TEX9: variants seen among roughly 807,000 people sequenced by gnomAD.
TEX9 encodes testis expressed 9.
Under a neutral mutation model 59.6 loss-of-function variants are expected in TEX9, and 74 were observed. The observed-to-expected ratio is 1.24, with a 90% CI of 1.03 to 1.51. TEX9 has a LOEUF of 1.51. Ranked by LOEUF, TEX9 falls within the 40% of genes most tolerant of loss-of-function variation. The probability of loss-of-function intolerance (pLI) is 0.00; values close to 1 mark genes in which losing one functional copy is unlikely to be tolerated. For missense variants in TEX9, 522 were observed against 447.8 expected, an observed-to-expected ratio of 1.17 and a Z score of -1.49; for synonymous variants, 186 against 152.2, an observed-to-expected ratio of 1.22 and a Z score of -1.64.
At chr15:56,446,329 T>C (rs1749594352), downstream of TEX9, among the ~76,000 whole-genome samples, 1 of 151,988 alleles carries the variant, frequency 6.6e-6, no homozygotes, top group African/African-American at 2.4e-5. Context: ...TCCTAGTGAG[T>C]ATGCCTGAGA....
intron 2 of TEX9, 184 bp downstream of exon 2, chr15:56,365,854 G>A: frequency 7.1e-7 from 1 of 1,416,310 alleles, no homozygotes; most frequent in Non-Finnish European, 9.2e-7. Flanking sequence ...GTTCGCCTGC[G>A]TATTAGAAGA....
chr15:56,251,444 G>A (rs1255998609), intron 1 of TEX9, among the ~76,000 whole-genome samples: 9 of 152,166 alleles, frequency 5.9e-5, no homozygotes, highest in African/African-American at 2.2e-4. Flanking sequence ...CTTCCGGCTA[G>A]ACAGTGGCTT....
chr15:56,256,117 A>G (rs2044140045), intron 1 of TEX9, among the ~76,000 whole-genome samples: 1 of 152,124 alleles, frequency 6.6e-6, no homozygotes, highest in South Asian at 2.1e-4. Flanking sequence ...TACAAATGAT[A>G]ATATGTTAAA....
rs546656196 is a variant in TEX9, at chr15:56,411,545, G to T, written c.829-757G>T. ...GTGAAAATGAGTGGGCAGAGATCAGGGCAGGAGGAAGAGCACAGGCGAAGA... is the reference window on the plus strand; with the variant it reads ...GTGAAAATGAGTGGGCAGAGATCAGTGCAGGAGGAAGAGCACAGGCGAAGA... On this transcript the variant is annotated intron_variant, in intron 9 of 12. Transcript: ENST00000352903. Among the ~76,000 whole-genome samples the T allele has an allele frequency of 1.3e-4, 19 of 151,710 alleles. 1 individual carries two copies. The highest frequency in any genetic ancestry group is 9.8e-4 in the Admixed American group (15 of 15,230).
intron 6 of TEX9, among the ~76,000 whole-genome samples, chr15:56,390,319 C>A (rs1262394665): frequency 2.6e-5 from 4 of 151,996 alleles, no homozygotes; most frequent in Admixed American, 2.6e-4. Context: ...CCAATAATAA[C>A]TTAATTATAT....
chr15:56,434,203 G>C (rs775871877), intron 12 of TEX9: 8 of 1,613,872 alleles, frequency 5.0e-6, no homozygotes, highest in South Asian at 3.3e-5. Context: ...CTGTGTTCCA[G>C]CTGCTTCATT....
At chr15:56,407,656 GCTACCCTC>G (rs2049143171) in intron 9 of TEX9, among the ~76,000 whole-genome samples, 1 of 151,934 alleles carries the variant, frequency 6.6e-6, no homozygotes, top group African/African-American at 2.4e-5. Context: ...TAATGCATTT[GCTACCCTC>G]ACTTTCTGAG....
chr15:56,403,924 G>A (rs2048933838), intron 9 of TEX9, among the ~76,000 whole-genome samples: 1 of 152,196 alleles, frequency 6.6e-6, no homozygotes, highest in Non-Finnish European at 1.5e-5. Context: ...AAACTGGCTA[G>A]CCATATGCAG....
In TEX9 at chr15:56,324,739, C is replaced by T. The variant is rs963644271; in HGVS notation, c.-106-48702C>T. Among the ~76,000 whole-genome samples the T allele has an allele frequency of 3.3e-5, 5 of 152,212 alleles. No homozygotes were observed. In the East Asian group the frequency reaches 7.7e-4, roughly 24 times the overall value. On this transcript the variant is annotated intron_variant, in intron 1 of 5. Transcript: ENST00000560827. ...TAGGATGGATTTTGTGGCCTGGCTT[C>T]GGCTAGATGTTTAGCTAAGTCATGA...
chr15:56,436,306 T>C (rs1280092321), intron 12 of TEX9, among the ~76,000 whole-genome samples: 1 of 152,124 alleles, frequency 6.6e-6, no homozygotes, highest in Admixed American at 6.6e-5. Context: ...AGAAACTCAC[T>C]CAAAACCGCT....
At chr15:56,277,235 T>C (rs1403330186) in intron 1 of TEX9, among the ~76,000 whole-genome samples, 1 of 152,222 alleles carries the variant, frequency 6.6e-6, no homozygotes, top group African/African-American at 2.4e-5. Flanking sequence ...ATTTTAGTCA[T>C]GAAGTCTTTG....
chr15:56,335,877 A>G (rs1440055421), intron 1 of TEX9, among the ~76,000 whole-genome samples: 1 of 152,156 alleles, frequency 6.6e-6, no homozygotes, highest in Non-Finnish European at 1.5e-5. Flanking sequence ...TAGAAATATG[A>G]CTTATATAAG....
intron 1 of TEX9, among the ~76,000 whole-genome samples, chr15:56,263,145 T>C (rs2044305126): frequency 6.6e-6 from 1 of 152,150 alleles, no homozygotes; most frequent in Non-Finnish European, 1.5e-5. Context: ...TGCCTCAGCC[T>C]CCCGAGTAGC....
At chr15:56,365,377 G>T (rs2046886468), upstream of TEX9, 2 of 1,552,328 alleles carry the variant, frequency 1.3e-6, no homozygotes, top group African/African-American at 1.4e-5. Flanking sequence ...GCCCGGGCGG[G>T]AGGCAACCGG....
intron 2 of TEX9, among the ~76,000 whole-genome samples, chr15:56,368,293 G>A (rs1397591072): frequency 6.6e-6 from 1 of 151,892 alleles, no homozygotes; most frequent in Non-Finnish European, 1.5e-5. Context: ...CAGGTTTCTT[G>A]TTTTCCTTTA....
At chr15:56,415,916 T>C (rs1340746942) in intron 10 of TEX9, among the ~76,000 whole-genome samples, 1 of 151,858 alleles carries the variant, frequency 6.6e-6, no homozygotes, top group Non-Finnish European at 1.5e-5. Flanking sequence ...TGAGCAGTGT[T>C]TCGTAATTCT....
At chr15:56,249,931 C>T (rs1431422469) in intron 1 of TEX9, among the ~76,000 whole-genome samples, 1 of 152,000 alleles carries the variant, frequency 6.6e-6, no homozygotes, top group African/African-American at 2.4e-5. Flanking sequence ...AGGCTGGATT[C>T]CCTTGCCTCT....
At chr15:56,346,252 G>GA (rs1207006214) in intron 1 of TEX9, among the ~76,000 whole-genome samples, 3 of 152,196 alleles carry the variant, frequency 2.0e-5, no homozygotes, top group Non-Finnish European at 4.4e-5. Flanking sequence ...AGGCAGGAGA[G>GA]AAGCAGGGAG....
rs563642540 is a variant in TEX9 at position 56,247,749 on chromosome 15, A to G, written c.-107+3471A>G. Among the ~76,000 whole-genome samples, 20 of 152,346 alleles carry G rather than the reference A, an allele frequency of 1.3e-4. No individual in the cohort carries two copies. In the South Asian group the frequency reaches 2.3e-3, roughly 17 times the overall value. On this transcript the variant is annotated intron_variant, in intron 1 of 5. Coordinates refer to the TEX9 transcript ENST00000560827. Reference sequence around the variant, plus strand: ...CATACTGATTAAGTGCTGAAAGTATACATTTCACTTCCACAAAGTATGGTG... The same window carrying G: ...CATACTGATTAAGTGCTGAAAGTATGCATTTCACTTCCACAAAGTATGGTG...
Sources: gnomAD v4.1 joint callset for allele counts (sites outside exome capture counted in the v4.1 genomes callset) on GRCh38, gnomAD v4.1.1 for gene constraint, MANE v1.5 for transcripts, NCBI Gene and HGNC (gene_info 2026-07-23, HGNC 2026-07-21) for gene names.